OR9Q1: variants seen among roughly 807,000 people sequenced by gnomAD.
The protein encoded by OR9Q1 is olfactory receptor family 9 subfamily Q member 1.
For missense variants in OR9Q1, 374 were observed against 378.8 expected, an observed-to-expected ratio of 0.99 and a Z score of 0.11; for synonymous variants, 153 against 148.6, an observed-to-expected ratio of 1.03 and a Z score of -0.22.
chr11:58,124,931 T>C (rs1854074067), intron 2 of OR9Q1, among the ~76,000 whole-genome samples: 2 of 152,184 alleles, frequency 1.3e-5, no homozygotes, highest in South Asian at 4.1e-4. Context: ...AAAGGTATTA[T>C]TTTGTCCTGG....
intron 1 of OR9Q1, among the ~76,000 whole-genome samples, 186 bp downstream of exon 1, chr11:58,024,290 C>G (rs1462579175): frequency 6.6e-6 from 1 of 152,290 alleles, no homozygotes; most frequent in East Asian, 1.9e-4. Context: ...TGGGCATCTC[C>G]TAGCCCCGCT....
At chr11:58,101,154 A>G (rs1426472905) in intron 2 of OR9Q1, among the ~76,000 whole-genome samples, 1 of 151,906 alleles carries the variant, frequency 6.6e-6, no homozygotes, top group Non-Finnish European at 1.5e-5. Context: ...ATAAATAAAC[A>G]TATATATAGT....
intron 1 of OR9Q1, among the ~76,000 whole-genome samples, chr11:58,026,508 C>T (rs771141716): frequency 1.1e-4 from 16 of 151,544 alleles, no homozygotes; most frequent in Admixed American, 2.0e-4. Context: ...ATGGTGAAAC[C>T]GTGTCTCTAT....
chr11:58,146,880 C>T (rs533235355), intron 2 of OR9Q1, among the ~76,000 whole-genome samples: 34 of 152,266 alleles, frequency 2.2e-4, no homozygotes, highest in South Asian at 6.2e-4. Context: ...ATGCAACTGG[C>T]GAATTCCATA....
intron 2 of OR9Q1, among the ~76,000 whole-genome samples, chr11:58,109,940 C>A (rs770911313): frequency 1.3e-5 from 2 of 152,142 alleles, no homozygotes; most frequent in Non-Finnish European, 2.9e-5. Context: ...GAATGTTAGA[C>A]CATCAAGACT....
chr11:58,043,627 C>A (rs1853188025), intron 1 of OR9Q1, among the ~76,000 whole-genome samples: 1 of 152,166 alleles, frequency 6.6e-6, no homozygotes, highest in Admixed American at 6.6e-5. Context: ...TAACTTCCTC[C>A]TTGGCCTGGA....
intron 1 of OR9Q1, among the ~76,000 whole-genome samples, chr11:58,053,304 T>C (rs1295775339): frequency 6.6e-6 from 1 of 151,734 alleles, no homozygotes; most frequent in Non-Finnish European, 1.5e-5. Flanking sequence ...TGCAGGGACA[T>C]GGATGAAATT....
chr11:58,043,283 A>G (rs968632925), intron 1 of OR9Q1, among the ~76,000 whole-genome samples: 3 of 152,200 alleles, frequency 2.0e-5, no homozygotes, highest in Non-Finnish European at 4.4e-5. Flanking sequence ...GGTATTTCCA[A>G]AGTCTCTACT....
intron 2 of OR9Q1, among the ~76,000 whole-genome samples, chr11:58,105,759 A>G (rs147848350): frequency 1.3e-5 from 2 of 152,160 alleles, no homozygotes; most frequent in African/African-American, 2.4e-5. Context: ...TTGACTAAGC[A>G]TATGTCTTCC....
intron 2 of OR9Q1, among the ~76,000 whole-genome samples, chr11:58,058,284 GCAGA>G (rs1275739203): frequency 1.3e-5 from 2 of 152,188 alleles, no homozygotes; most frequent in Non-Finnish European, 2.9e-5. Flanking sequence ...AAGTTTGAAG[GCAGA>G]CAGGTGGGCA....
chr11:58,080,804 G>A (rs896686343), intron 2 of OR9Q1, among the ~76,000 whole-genome samples: 5 of 152,038 alleles, frequency 3.3e-5, no homozygotes, highest in African/African-American at 4.8e-5. Flanking sequence ...GAGAAATGTC[G>A]GCTCATGTCC....
At chr11:58,071,142 T>C (rs1335638671) in intron 2 of OR9Q1, among the ~76,000 whole-genome samples, 1 of 152,236 alleles carries the variant, frequency 6.6e-6, no homozygotes, top group Non-Finnish European at 1.5e-5. Flanking sequence ...TGCCCTTGCC[T>C]TGTTCCCAAA....
chr11:58,143,791 A>T (rs773380829), intron 2 of OR9Q1, among the ~76,000 whole-genome samples: 2 of 152,126 alleles, frequency 1.3e-5, no homozygotes, highest in African/African-American at 2.4e-5. Flanking sequence ...AGGTGCAGCA[A>T]ACCACCATGA....
chr11:58,143,515 A>G (rs969862949), intron 2 of OR9Q1, among the ~76,000 whole-genome samples: 15 of 152,208 alleles, frequency 9.9e-5, no homozygotes, highest in African/African-American at 3.6e-4. Flanking sequence ...CTATTTACCA[A>G]TTGTGAAATC....
intron 2 of OR9Q1, among the ~76,000 whole-genome samples, chr11:58,164,049 AT>A (rs1266801525): frequency 6.6e-6 from 1 of 152,138 alleles, no homozygotes; most frequent in East Asian, 1.9e-4. Context: ...CTGGCCACGG[AT>A]TGGCTATGAC....
rs771647700 is a variant in OR9Q1, at chr11:58,179,570, C to CTTA, written c.127_129dup (p.Leu43dup). On this transcript the variant is annotated inframe_insertion, in exon 3 of 3. Transcript: ENST00000335397. ...TGTATCTCATCACCGTATTGGGGAA[C>CTTA]TTAGAGATGATTATTCTGATCCTCA... The CTTA allele has an allele frequency of 2.5e-6, 4 of 1,613,556 alleles. No individual in the cohort carries two copies. In the South Asian group the frequency reaches 4.4e-5, roughly 18 times the overall value.
chr11:58,172,955 C>T (rs554693858), intron 2 of OR9Q1, among the ~76,000 whole-genome samples: 2 of 152,192 alleles, frequency 1.3e-5, no homozygotes, highest in Non-Finnish European at 2.9e-5. Flanking sequence ...CTACTTTCCC[C>T]ATATGCCCCA....
chr11:58,170,316 C>T (rs1161462694), intron 2 of OR9Q1, among the ~76,000 whole-genome samples: 1 of 147,302 alleles, frequency 6.8e-6, no homozygotes, highest in Non-Finnish European at 1.5e-5. Flanking sequence ...TCCTCTCCAG[C>T]CTACACATAA....
intron 2 of OR9Q1, among the ~76,000 whole-genome samples, chr11:58,121,814 AT>A (rs1854035317): frequency 6.6e-6 from 1 of 152,156 alleles, no homozygotes; most frequent in Non-Finnish European, 1.5e-5. Context: ...ACTCATCATA[AT>A]ACCTCTTTCT....
Sources: allele counts gnomAD v4.1 joint callset (sites outside exome capture counted in the v4.1 genomes callset), GRCh38; gene constraint gnomAD v4.1.1; transcripts MANE v1.5; gene names NCBI Gene and HGNC (gene_info 2026-07-23, HGNC 2026-07-21).